SLC35F3: variants seen among roughly 807,000 people sequenced by gnomAD.
SLC35F3 encodes the protein putative thiamine transporter SLC35F3.
Under a neutral mutation model 49.9 loss-of-function variants are expected in SLC35F3, and 25 were observed. That is an observed-to-expected ratio of 0.50 (90% CI 0.37 to 0.70). The LOEUF (loss-of-function observed/expected upper bound fraction) is 0.70. SLC35F3 is among the 30% of genes least tolerant of loss of function. The probability of loss-of-function intolerance (pLI) is 0.00; values close to 1 mark genes in which losing one functional copy is unlikely to be tolerated. For synonymous variants in SLC35F3, 275 were observed against 265.4 expected (o/e 1.04, Z -0.35); for missense variants, 525 against 639.8 (o/e 0.82, Z 1.94).
intron 3 of SLC35F3, among the ~76,000 whole-genome samples, chr1:234,247,460 T>G (rs1473548396): frequency 7.0e-6 from 1 of 143,242 alleles, no homozygotes; most frequent in Non-Finnish European, 1.5e-5. Context: ...GGTTGGTTGG[T>G]TGGTTGGTCC....
intron 3 of SLC35F3, among the ~76,000 whole-genome samples, chr1:234,258,790 A>T (rs774092525): frequency 2.0e-5 from 3 of 152,242 alleles, no homozygotes; most frequent in African/African-American, 4.8e-5. Flanking sequence ...GTTTCAGATC[A>T]TGTCTGGGTC....
At chr1:234,099,182 G>T (rs1665176841) in intron 2 of SLC35F3, among the ~76,000 whole-genome samples, 1 of 152,156 alleles carries the variant, frequency 6.6e-6, no homozygotes, top group South Asian at 2.1e-4. Context: ...GTCCAAGTCT[G>T]TTATTGGCGT....
intron 2 of SLC35F3, among the ~76,000 whole-genome samples, chr1:234,029,628 A>G (rs1419979097): frequency 6.6e-6 from 1 of 152,200 alleles, no homozygotes; most frequent in East Asian, 1.9e-4. Context: ...CCAATCTGAA[A>G]AGAAAAAGTC....
rs56960667 is a variant in SLC35F3 at position 234,058,328 on chromosome 1, A to ATTTTTTTTTTTTTTTTTTTTTT, written c.283+152579_283+152600dup. On this transcript the variant is annotated intron_variant, in intron 2 of 7. Transcript: ENST00000366618. Reference sequence around the variant, plus strand: ...TAATTGTCTTTATAAATGTTCCTGAATTTTTTTTTTTTTTTTTTTTTTTTT... The same window carrying ATTTTTTTTTTTTTTTTTTTTTT: ...TAATTGTCTTTATAAATGTTCCTGAATTTTTTTTTTTTTTTTTTTTTTTTTTTTTTTTTTTTTTTTTTTTTTT... Among the ~76,000 whole-genome samples, 20 of 39,796 alleles carry ATTTTTTTTTTTTTTTTTTTTTT rather than the reference A, an allele frequency of 5.0e-4. 7 individuals carry two copies. The highest frequency in any genetic ancestry group is 2.7e-3 in the African/African-American group (20 of 7,286). The allele number at this position is 39,796 out of a possible 152,430, so 26.1% of individuals were successfully genotyped here.
chr1:234,272,045 G>C (rs1469249400), intron 3 of SLC35F3, among the ~76,000 whole-genome samples: 1 of 152,116 alleles, frequency 6.6e-6, no homozygotes, highest in Non-Finnish European at 1.5e-5. Context: ...AGGATCATTT[G>C]AGCTCAGGAT....
intron 2 of SLC35F3, among the ~76,000 whole-genome samples, chr1:234,226,961 G>GCACACACACACACACACACA (rs57809897): frequency 1.1e-4 from 16 of 148,742 alleles, no homozygotes; most frequent in African/African-American, 3.7e-4. Flanking sequence ...GCGCACGCGT[G>GCACACACACACACACACACA]CACACACACA....
intron 2 of SLC35F3, among the ~76,000 whole-genome samples, chr1:233,998,045 C>A (rs1663489579): frequency 6.6e-6 from 1 of 152,110 alleles, no homozygotes. Context: ...AGCCACCGCG[C>A]CCAGCCCGTA....
At chr1:234,071,626 A>G (rs538479203) in intron 2 of SLC35F3, among the ~76,000 whole-genome samples, 161 of 152,366 alleles carry the variant, frequency 1.1e-3, no homozygotes, top group Admixed American at 2.1e-3. Flanking sequence ...TTTTAGGAAT[A>G]TTTAATGAAC....
intron 2 of SLC35F3, among the ~76,000 whole-genome samples, chr1:233,987,436 T>G (rs1031750495): frequency 6.6e-6 from 1 of 152,118 alleles, no homozygotes; most frequent in Non-Finnish European, 1.5e-5. Context: ...GGACTTTGAA[T>G]GTACTTCTCC....
At chr1:234,245,979 G>A (rs1667625385) in intron 3 of SLC35F3, among the ~76,000 whole-genome samples, 1 of 152,164 alleles carries the variant, frequency 6.6e-6, no homozygotes, top group African/African-American at 2.4e-5. Context: ...TCAAGGGGGA[G>A]GGGGACATCA....
intron 2 of SLC35F3, among the ~76,000 whole-genome samples, chr1:234,005,525 C>T (rs760075133): frequency 3.3e-5 from 5 of 152,218 alleles, no homozygotes; most frequent in South Asian, 2.1e-4. Flanking sequence ...CTGCTGCTGA[C>T]GACAAATAGA....
intron 2 of SLC35F3, among the ~76,000 whole-genome samples, chr1:234,079,682 A>C (rs1266127457): frequency 1.3e-5 from 2 of 152,236 alleles, no homozygotes; most frequent in East Asian, 3.8e-4. Context: ...AGGGAAATGC[A>C]ATTTGAAACC....
chr1:234,145,538 C>T (rs1003743972), intron 2 of SLC35F3, among the ~76,000 whole-genome samples: 11 of 152,090 alleles, frequency 7.2e-5, no homozygotes, highest in Non-Finnish European at 1.5e-4. Flanking sequence ...TATCCATGAG[C>T]CGTGGACTCC....
At chr1:234,048,760 A>C (rs968996002) in intron 2 of SLC35F3, among the ~76,000 whole-genome samples, 2 of 151,372 alleles carry the variant, frequency 1.3e-5, no homozygotes, top group African/African-American at 4.9e-5. Flanking sequence ...TGGGTCCAGA[A>C]GGTAAGGTAG....
intron 2 of SLC35F3, among the ~76,000 whole-genome samples, chr1:234,084,687 T>C (rs1240235893): frequency 6.6e-6 from 1 of 152,238 alleles, no homozygotes; most frequent in Non-Finnish European, 1.5e-5. Flanking sequence ...CTCCAGGTGT[T>C]CTGCTCTATT....
chr1:234,309,115 T>G lies in SLC35F3; in HGVS notation c.623T>G (p.Phe208Cys), dbSNP rs748581451. 9.9e-6 allele frequency: 16 copies of G among 1,614,000 alleles called. No individual in the cohort carries two copies. The highest frequency in any genetic ancestry group is 2.2e-5 in the South Asian group (2 of 91,090). Residue 208 changes from phenylalanine (F) to cysteine (C), a missense_variant, in exon 4 of 8, where the codon TTT becomes TGT. Coordinates refer to ENST00000366618, the MANE Select transcript of SLC35F3 (RefSeq NM_173508.4). ...VKQRYRECCR[F>C]FGDNGLTLKV... ...CCTTGTTTTAGGGAATGCTGTCGAT[T>G]TTTTGGAGACAATGGCTTGACTTTG...
intron 2 of SLC35F3, among the ~76,000 whole-genome samples, chr1:234,033,250 A>T (rs994635946): frequency 6.6e-6 from 1 of 151,774 alleles, no homozygotes; most frequent in Non-Finnish European, 1.5e-5. Context: ...TAGATTCTGG[A>T]TATTAGTCCT....
chr1:234,308,176 G>A (rs1490570159), intron 3 of SLC35F3, among the ~76,000 whole-genome samples: 1 of 152,102 alleles, frequency 6.6e-6, no homozygotes, highest in Non-Finnish European at 1.5e-5. Flanking sequence ...TGGTGGAATA[G>A]GTACCCTAAA....
intron 2 of SLC35F3, among the ~76,000 whole-genome samples, chr1:234,086,597 T>G (rs1341451335): frequency 4.6e-5 from 7 of 152,346 alleles, no homozygotes; most frequent in African/African-American, 1.7e-4. Flanking sequence ...AGTATAAGCC[T>G]GATTACACAT....
Sources: gnomAD v4.1 joint callset for allele counts (sites outside exome capture counted in the v4.1 genomes callset) on GRCh38, gnomAD v4.1.1 for gene constraint, MANE v1.5 for transcripts, NCBI Gene and HGNC (gene_info 2026-07-23, HGNC 2026-07-21) for gene names.